Variants in CDK12 observed in about 807,000 individuals in gnomAD.
CDK12 encodes the protein cyclin dependent kinase 12, also known as cyclin-dependent kinase 12.
A neutral mutation model predicts 133.8 loss-of-function variants in CDK12; 17 were observed. The ratio of observed to expected loss-of-function variants is 0.13; its 90% CI spans 0.09 to 0.19. The LOEUF (loss-of-function observed/expected upper bound fraction) is 0.19, where lower values mean the gene tolerates loss of function less well. Among genes scored for constraint, CDK12 ranks in the 10% least tolerant of loss-of-function variants. The pLI, the probability that CDK12 is intolerant of heterozygous loss-of-function variation, is 1.00. For missense variants in CDK12, 1,508 were observed against 1,818.7 expected, an observed-to-expected ratio of 0.83 and a Z score of 3.11; for synonymous variants, 694 against 683.6, an observed-to-expected ratio of 1.02 and a Z score of -0.24.
chr17:39,471,363 G>A lies in CDK12; in HGVS notation c.1531G>A (p.Glu511Lys). The A allele has an allele frequency of 1.2e-6, 2 of 1,614,008 alleles. No individual in the cohort carries two copies. The highest frequency in any genetic ancestry group is 1.7e-6 in the Non-Finnish European group (2 of 1,180,008). ...RDSKPIALKEEIVTPKETETS... is the reference protein window; with the variant it reads ...RDSKPIALKEKIVTPKETETS... Reference sequence around the variant, plus strand: ...CTCTAAACCCATAGCACTGAAAGAGGAGATTGTTACTCCAAAGGAGACAGA... The same window carrying A: ...CTCTAAACCCATAGCACTGAAAGAGAAGATTGTTACTCCAAAGGAGACAGA... Residue 511 changes from glutamate (E) to lysine (K), a missense_variant, in exon 2 of 14, where the codon GAG becomes AAG. Transcript: ENST00000447079.
intron 3 of CDK12, among the ~76,000 whole-genome samples, 179 bp from the exon 4 acceptor site, chr17:39,492,572 T>C (rs1278789701): frequency 6.7e-6 from 1 of 149,104 alleles, no homozygotes; most frequent in African/African-American, 2.5e-5. Flanking sequence ...CACGCCTGGC[T>C]AATTTTTGTA....
chr17:39,463,401 G>A (rs1259255517), intron 1 of CDK12, among the ~76,000 whole-genome samples: 1 of 152,136 alleles, frequency 6.6e-6, no homozygotes, highest in African/African-American at 2.4e-5. Context: ...TTAGTGAGTG[G>A]ATGGAGTTGA....
At chr17:39,503,637 A>G (rs2052888512) in intron 6 of CDK12, among the ~76,000 whole-genome samples, 2 of 152,178 alleles carry the variant, frequency 1.3e-5, no homozygotes, top group African/African-American at 4.8e-5. Flanking sequence ...TTCCAGAGTC[A>G]GAAAGCTGAT....
chr17:39,471,306 G>C lies in CDK12; in HGVS notation c.1474G>C (p.Val492Leu). Residue 492 changes from valine (V) to leucine (L), a missense_variant, in exon 2 of 14, where the codon GTT becomes CTT. Val to Leu is a conservative substitution (Grantham distance 32). Transcript: ENST00000447079. ...KLDENSEKHL[V>L]KDLKAQGTRD... The stretch of plus-strand genomic sequence containing the variant: ...GGATGAGAACTCCGAGAAGCATCTT[G>C]TTAAAGATTTGAAAGCACAGGGAAC... 6.2e-7 allele frequency: 1 copy of C among 1,613,776 alleles called. No individual in the cohort carries two copies. The highest frequency in any genetic ancestry group is 8.5e-7 in the Non-Finnish European group (1 of 1,179,794).
intron 2 of CDK12, among the ~76,000 whole-genome samples, chr17:39,487,205 C>T (rs1405918344): frequency 6.6e-6 from 1 of 152,124 alleles, no homozygotes; most frequent in Admixed American, 6.6e-5. Context: ...TACAAACTAA[C>T]CTATATTGTA....
chr17:39,465,252 A>T (rs1343901196), intron 1 of CDK12, among the ~76,000 whole-genome samples: 5 of 6,904 alleles, frequency 7.2e-4, no homozygotes, highest in Non-Finnish European at 2.7e-3. Context: ...ACTCAGTCTT[A>T]AAAAAAAAAA....
rs865883918 is a variant in CDK12, at chr17:39,471,733, C to T, written c.1901C>T (p.Pro634Leu). The stretch of plus-strand genomic sequence containing the variant: ...ACGTTGCCTCCTTTGCCCCTCCCAC[C>T]CTTATTACCTGGAGATGATGACATG... ...TSTLPPLPLPPLLPGDDDMDS... is the reference protein window; with the variant it reads ...TSTLPPLPLPLLLPGDDDMDS... Residue 634 changes from proline (P) to leucine (L), a missense_variant, in exon 2 of 14, where the codon CCC (proline) becomes CTC (leucine). Coordinates refer to ENST00000447079, the MANE Select transcript of CDK12 (RefSeq NM_016507.4). 6.2e-7 allele frequency: 1 copy of T among 1,613,414 alleles called. No homozygotes were observed. Among genetic ancestry groups the T allele is most frequent in the Non-Finnish European group, 8.5e-7 (1 of 1,179,654 alleles).
chr17:39,529,141 G>C (rs184414807), intron 13 of CDK12, among the ~76,000 whole-genome samples: 258 of 152,254 alleles, frequency 1.7e-3, no homozygotes, highest in African/African-American at 5.9e-3. Flanking sequence ...CGGTTTTAAA[G>C]CTGAACATTG....
Position 39,476,366 on chromosome 17 carries a change from C to T in CDK12, c.1931+4603C>T, listed in dbSNP as rs142878656. Among the ~76,000 whole-genome samples the T allele has an allele frequency of 2.0e-4, 30 of 152,136 alleles. 1 individual carries two copies. In the East Asian group the frequency reaches 5.4e-3, roughly 27 times the overall value. ...TCTCATGATCTGTCCGCCTCAGCCT[C>T]CCAAAGTACTGAGATTACTGGCATG... On this transcript the variant is annotated intron_variant, in intron 2 of 13. Transcript: ENST00000447079.
intron 1 of CDK12, among the ~76,000 whole-genome samples, chr17:39,466,151 T>C (rs2049287559): frequency 6.6e-6 from 1 of 150,578 alleles, no homozygotes; most frequent in South Asian, 2.1e-4. Context: ...CTACTAAAAA[T>C]ACAAAAATTA....
chr17:39,472,814 G>A (rs567974914), intron 2 of CDK12, among the ~76,000 whole-genome samples: 5 of 152,108 alleles, frequency 3.3e-5, no homozygotes, highest in African/African-American at 1.2e-4. Flanking sequence ...GGTGGCTCAC[G>A]CCTGTAATCC....
intron 2 of CDK12, among the ~76,000 whole-genome samples, chr17:39,487,574 T>C (rs549653856): frequency 1.3e-5 from 2 of 151,744 alleles, no homozygotes; most frequent in Non-Finnish European, 2.9e-5. Flanking sequence ...GTACTATAGA[T>C]GTCTTATTTT....
rs1330980068 is a variant in CDK12, at chr17:39,532,106, C to CTCTCTCTCTA, written c.*799_*800insATCTCTCTCT. On this transcript the variant is annotated 3_prime_UTR_variant, in exon 14 of 14. Coordinates refer to ENST00000447079, the MANE Select transcript of CDK12 (RefSeq NM_016507.4). ...ATGTGTGCTCTCTCTCTCTCTTTCT[C>CTCTCTCTCTA]TCTCTCTCTCTCTCTCTCTCTCTCT... 8 of 21,026 alleles carry CTCTCTCTCTA rather than the reference C, an allele frequency of 3.8e-4. No homozygotes were observed. Among genetic ancestry groups the CTCTCTCTCTA allele is most frequent in the African/African-American group, 5.6e-4 (7 of 12,410 alleles). 1.3% of individuals were successfully genotyped at this position (21,026 alleles called of 1,614,324 possible).
chr17:39,543,085 G>A (rs957682242), upstream of CDK12, among the ~76,000 whole-genome samples: 4 of 152,176 alleles, frequency 2.6e-5, no homozygotes, highest in South Asian at 6.2e-4. Context: ...AAAACACATC[G>A]GCTAGAAAAC....
chr17:39,538,955 A>AC (rs1411677461), downstream of CDK12, among the ~76,000 whole-genome samples: 88 of 150,152 alleles, frequency 5.9e-4, no homozygotes, highest in African/African-American at 1.5e-3. Context: ...ATACATACAT[A>AC]AGGCTAGTAT....
rs1230820010 is a variant in CDK12 at position 39,463,069 on chromosome 17, G to A, written c.998G>A (p.Ser333Asn). The A allele has an allele frequency of 6.2e-7, 1 of 1,614,210 alleles. No homozygotes were observed. The highest frequency in any genetic ancestry group is 2.2e-5 in the East Asian group (1 of 44,884). ...SPSPYGRRRS[S>N]SPFLSKRSLS... ...AGTCCCTATGGTCGAAGGCGGTCCAGCAGCCCTTTCCTGAGCAAGCGGTCT... is the reference window on the plus strand; with the variant it reads ...AGTCCCTATGGTCGAAGGCGGTCCAACAGCCCTTTCCTGAGCAAGCGGTCT... Residue 333 changes from serine (S) to asparagine (N), a missense_variant, in exon 1 of 14, where the codon AGC becomes AAC. This residue lies in a region of CDK12 where 460 missense variants were observed against 490.8 expected (regional missense o/e 0.94). Transcript: ENST00000447079.
In CDK12 at chr17:39,470,934, T is replaced by A. The variant is rs200488621; in HGVS notation, c.1102T>A (p.Ser368Thr). 324 of 1,613,344 alleles carry A rather than the reference T, an allele frequency of 2.0e-4. 1 individual carries two copies. Among genetic ancestry groups the A allele is most frequent in the Non-Finnish European group, 2.2e-5 (26 of 1,179,818 alleles). ...TCCTGCATATTCAAGACATTCATCTTCTCATAGTAAAAAGAAGAGATCCAG... is the reference window on the plus strand; with the variant it reads ...TCCTGCATATTCAAGACATTCATCTACTCATAGTAAAAAGAAGAGATCCAG... ...RSPAYSRHSS[S>T]HSKKKRSSSR... is the part of the protein sequence containing the mutation. Residue 368 changes from serine (S) to threonine (T), a missense_variant, in exon 2 of 14, where the codon TCT becomes ACT. Ser to Thr is a moderately conservative substitution (Grantham distance 58). Coordinates refer to ENST00000447079, the MANE Select transcript of CDK12 (RefSeq NM_016507.4).
intron 1 of CDK12, among the ~76,000 whole-genome samples, chr17:39,542,619 T>C (rs2055482406): frequency 6.6e-6 from 1 of 152,028 alleles, no homozygotes; most frequent in Non-Finnish European, 1.5e-5. Context: ...TGAGCAACTC[T>C]CCTGCCTCAG....
downstream of CDK12, among the ~76,000 whole-genome samples, chr17:39,538,932 C>A (rs1399350361): frequency 6.6e-6 from 1 of 151,922 alleles, no homozygotes; most frequent in African/African-American, 2.4e-5. Flanking sequence ...TACATACATA[C>A]ATACATACAT....
Sources: gnomAD v4.1 joint callset for allele counts (sites outside exome capture counted in the v4.1 genomes callset) on GRCh38, gnomAD v4.1.1 for gene constraint, gnomAD v4.1.1 regional missense constraint, MANE v1.5 for transcripts, NCBI Gene and HGNC (gene_info 2026-07-23, HGNC 2026-07-21) for gene names.